Variants in IL18R1 observed in about 807,000 individuals in gnomAD.
IL18R1 encodes the protein interleukin 18 receptor 1, also known as interleukin-18 receptor 1.
Under a neutral mutation model 48.5 loss-of-function variants are expected in IL18R1, and 40 were observed. That is an observed-to-expected ratio of 0.82 (90% confidence interval 0.64 to 1.07). The LOEUF is 1.07. Ranked by LOEUF, IL18R1 falls within the 50% of genes least tolerant of loss-of-function variation. The probability of loss-of-function intolerance (pLI) is 0.00; values close to 1 mark genes in which losing one functional copy is unlikely to be tolerated. For missense variants in IL18R1, 596 were observed against 633.7 expected (o/e 0.94, Z 0.64); for synonymous variants, 232 against 225.9 (o/e 1.03, Z -0.24).
At position 102,376,014 on chromosome 2, in the gene IL18R1, T is replaced by G. The variant is rs944017011; in HGVS notation, c.576T>G (p.Asn192Lys). ...YYSCVHFLHH[N>K]GKLFNITKTF... ...CCTGCGTGCATTTCCTTCATCATAA[T>G]GGAAAACTATTTAATATCACCAAAA... The change falls in exon 5 of 11, where the codon AAT becomes AAG. Residue 192 changes from asparagine to lysine, a missense_variant. Transcript: ENST00000233957. 1.9e-6 allele frequency: 3 copies of G among 1,604,418 alleles called. No homozygotes were observed. Among genetic ancestry groups the G allele is most frequent in the Non-Finnish European group, 2.5e-6 (3 of 1,176,606 alleles).
intron 1 of IL18R1, 54 bp downstream of exon 1, chr2:102,356,454 G>A (rs955472332): frequency 1.3e-5 from 4 of 317,494 alleles, no homozygotes; most frequent in African/African-American, 2.3e-5. Flanking sequence ...CCAGAGGAAG[G>A]GAAGACCACC....
intron 6 of IL18R1, among the ~76,000 whole-genome samples, chr2:102,384,173 G>A (rs1281921166): frequency 6.6e-6 from 1 of 152,210 alleles, no homozygotes; most frequent in Admixed American, 6.5e-5. Context: ...ATCTCTGATA[G>A]CTGGTGAGGG....
chr2:102,371,200 G>T (rs1387557742), intron 3 of IL18R1, among the ~76,000 whole-genome samples: 7 of 151,878 alleles, frequency 4.6e-5, no homozygotes, highest in Non-Finnish European at 7.4e-5. Context: ...AATTTTTGTA[G>T]TTTTAGTAGA....
intron 4 of IL18R1, among the ~76,000 whole-genome samples, chr2:102,375,098 A>G (rs532932761): frequency 1.3e-5 from 2 of 152,304 alleles, no homozygotes; most frequent in Non-Finnish European, 2.9e-5. Context: ...GTCTAGCCCC[A>G]GTGGCTGCCA....
chr2:102,387,984 GAAGGGATGCAAATACAGA>G (rs973875661), intron 8 of IL18R1, among the ~76,000 whole-genome samples: 5 of 152,126 alleles, frequency 3.3e-5, no homozygotes, highest in African/African-American at 1.2e-4. Flanking sequence ...GCAGAGACAT[GAAGGGATGCAAATACAGA>G]GAGATGAGAG....
At position 102,367,886 on chromosome 2, in the gene IL18R1, T is replaced by C. The variant is rs751057067; in HGVS notation, c.120T>C (p.His40=). 4.3e-6 allele frequency: 7 copies of C among 1,614,016 alleles called. No individual in the cohort carries two copies. The highest frequency in any genetic ancestry group is 5.9e-6 in the Non-Finnish European group (7 of 1,179,874). The change falls in exon 3 of 11, where the codon CAT becomes CAC. Residue 40 remains histidine (H), a synonymous_variant. Transcript: ENST00000233957. ...VVEGEPFYLK[H]CSCSLAHEIE... is the part of the protein sequence containing the mutation. ...AAGGGGAACCTTTCTATCTGAAACATTGCTCGTGTTCACTTGCACATGAGA... is the reference window on the plus strand; with the variant it reads ...AAGGGGAACCTTTCTATCTGAAACACTGCTCGTGTTCACTTGCACATGAGA...
chr2:102,369,209 A>G (rs1679096928), intron 3 of IL18R1, among the ~76,000 whole-genome samples: 1 of 152,014 alleles, frequency 6.6e-6, no homozygotes, highest in African/African-American at 2.4e-5. Flanking sequence ...CAAACTTCCA[A>G]CTCCTGATTG....
chr2:102,397,207 C>T lies in IL18R1; in HGVS notation c.*321C>T. 1 of 241,802 alleles carries T rather than the reference C, an allele frequency of 4.1e-6. No individual in the cohort carries two copies. Among genetic ancestry groups the T allele is most frequent in the Non-Finnish European group, 7.9e-6 (1 of 126,966 alleles). The allele number at this position is 241,802 out of a possible 1,614,324, so 15.0% of individuals were successfully genotyped here. A position where few individuals can be genotyped will look rare whatever the true frequency, so the allele number is the denominator to read the frequency against. On this transcript the variant is annotated 3_prime_UTR_variant, in exon 11 of 11. Transcript: ENST00000233957. ...GAAGCTGGACGTGATGCAAAATAACCGATGCCCTACAAAAAGGGCGCATCT... is the reference window on the plus strand; with the variant it reads ...GAAGCTGGACGTGATGCAAAATAACTGATGCCCTACAAAAAGGGCGCATCT...
At chr2:102,374,020 T>G (rs900132858) in intron 4 of IL18R1, 6 of 396,558 alleles carry the variant, frequency 1.5e-5, no homozygotes, top group Non-Finnish European at 2.6e-5. Flanking sequence ...TCTCATTATA[T>G]ATTACAGTGT....
chr2:102,372,545 A>C (rs1329202737), intron 4 of IL18R1, among the ~76,000 whole-genome samples: 1 of 152,200 alleles, frequency 6.6e-6, no homozygotes, highest in Admixed American at 6.5e-5. Flanking sequence ...ATAATATTTT[A>C]ACTTTAAAAC....
intron 5 of IL18R1, among the ~76,000 whole-genome samples, chr2:102,380,871 A>G (rs929117949): frequency 2.0e-5 from 3 of 152,210 alleles, no homozygotes; most frequent in African/African-American, 4.8e-5. Flanking sequence ...AAAGTTACCA[A>G]TGAGGATATC....
At chr2:102,385,609 T>C (rs553139760) in intron 7 of IL18R1, among the ~76,000 whole-genome samples, 7 of 152,334 alleles carry the variant, frequency 4.6e-5, no homozygotes, top group African/African-American at 1.7e-4. Context: ...GCTGCACTTG[T>C]TGAGTTTTTT....
chr2:102,362,464 A>C (rs1678632335), intron 1 of IL18R1, among the ~76,000 whole-genome samples, 169 bp from the exon 2 acceptor site: 2 of 152,192 alleles, frequency 1.3e-5, no homozygotes, highest in South Asian at 4.1e-4. Context: ...AATTTTATTA[A>C]TTTTATATGG....
intron 5 of IL18R1, among the ~76,000 whole-genome samples, chr2:102,380,876 G>A (rs983253537): frequency 7.9e-5 from 12 of 152,240 alleles, no homozygotes; most frequent in African/African-American, 2.9e-4. Context: ...TACCAATGAG[G>A]ATATCAGGGC....
chr2:102,374,580 C>G (rs1679460998), intron 4 of IL18R1, among the ~76,000 whole-genome samples: 1 of 151,988 alleles, frequency 6.6e-6, no homozygotes, highest in Admixed American at 6.6e-5. Flanking sequence ...TGATCGAGAC[C>G]ATGCTGGCTA....
chr2:102,369,102 G>A (rs991221479), intron 3 of IL18R1, among the ~76,000 whole-genome samples: 9 of 152,088 alleles, frequency 5.9e-5, no homozygotes, highest in Admixed American at 3.3e-4. Flanking sequence ...TTACAGAAAT[G>A]GGTCACAACT....
chr2:102,383,966 T>C (rs1286074427), intron 6 of IL18R1, among the ~76,000 whole-genome samples: 1 of 152,262 alleles, frequency 6.6e-6, no homozygotes, highest in African/African-American at 2.4e-5. Flanking sequence ...CTATTGATTA[T>C]GGTGCACATT....
intron 5 of IL18R1, among the ~76,000 whole-genome samples, chr2:102,379,313 G>A (rs1401560976): frequency 6.6e-6 from 1 of 151,672 alleles, no homozygotes; most frequent in African/African-American, 2.4e-5. Flanking sequence ...GCTTGGTGGT[G>A]GGCACCTGTA....
chr2:102,381,546 A>T, intron 5 of IL18R1, 74 bp from the exon 6 acceptor site: 1 of 1,044,174 alleles, frequency 9.6e-7, no homozygotes, highest in East Asian at 2.4e-5. Context: ...AAATGAGCAT[A>T]TTATCATAGA....
Sources: gnomAD v4.1 joint callset for allele counts (sites outside exome capture counted in the v4.1 genomes callset) on GRCh38, gnomAD v4.1.1 for gene constraint, MANE v1.5 for transcripts, NCBI Gene and HGNC (gene_info 2026-07-23, HGNC 2026-07-21) for gene names.